The following MAGI1 variants were observed in gnomAD, a reference collection of about 807,000 sequenced individuals.
MAGI1 encodes the protein membrane-associated guanylate kinase, WW and PDZ domain-containing protein 1.
MAGI1 carries 58 observed loss-of-function variants against 139.9 expected under a neutral mutation model. The ratio of observed to expected loss-of-function variants is 0.41; its 90% confidence interval spans 0.34 to 0.52. The LOEUF is 0.52. MAGI1 is among the 20% of genes least tolerant of loss of function. The pLI, the probability that MAGI1 is intolerant of heterozygous loss-of-function variation, is 0.12. For missense variants in MAGI1, 1,874 were observed against 1,901.6 expected, an observed-to-expected ratio of 0.99 and a Z score of 0.27; for synonymous variants, 812 against 737.9, an observed-to-expected ratio of 1.10 and a Z score of -1.63.
chr3:65,588,794 C>G (rs538965374), intron 2 of MAGI1, among the ~76,000 whole-genome samples: 4 of 152,148 alleles, frequency 2.6e-5, no homozygotes, highest in Non-Finnish European at 5.9e-5. Flanking sequence ...ATACAACATG[C>G]TCAATAAATT....
intron 1 of MAGI1, among the ~76,000 whole-genome samples, chr3:65,760,733 C>A (rs1057472074): frequency 6.6e-6 from 1 of 152,042 alleles, no homozygotes; most frequent in East Asian, 1.9e-4. Flanking sequence ...CCCAGATGGT[C>A]AGGCCGCAAA....
At chr3:65,594,026 T>C (rs2082079534) in intron 2 of MAGI1, among the ~76,000 whole-genome samples, 1 of 152,220 alleles carries the variant, frequency 6.6e-6, no homozygotes, top group South Asian at 2.1e-4. Context: ...TCAAACATTT[T>C]GGTAAAAGTC....
At chr3:65,441,563 A>G (rs890110242) in intron 8 of MAGI1, among the ~76,000 whole-genome samples, 2 of 152,210 alleles carry the variant, frequency 1.3e-5, no homozygotes, top group Non-Finnish European at 2.9e-5. Context: ...CTTCACCCAT[A>G]AAAGCTTTTG....
intron 1 of MAGI1, among the ~76,000 whole-genome samples, chr3:65,752,959 AT>A (rs1417630902): frequency 1.3e-5 from 2 of 152,156 alleles, no homozygotes; most frequent in Non-Finnish European, 2.9e-5. Flanking sequence ...TCCTGGCTGT[AT>A]TCAAAGTTGA....
Position 65,461,638 on chromosome 3 carries a change from G to A in MAGI1, c.960-8298C>T, listed in dbSNP as rs1179859977. 4.6e-5 allele frequency among the ~76,000 whole-genome samples: 7 copies of A among 151,662 alleles called. No individual in the cohort carries two copies. The East Asian group carries it at 7.8e-4, about 17-fold the overall frequency. On this transcript the variant is annotated intron_variant, in intron 5 of 22. Transcript: ENST00000402939. ...CGAGTAGCTGGGACTACAGGCGCCC[G>A]CCACCACGCCTGGCTAATTTTCTGT...
chr3:65,429,519 C>T lies in MAGI1; in HGVS notation c.2167+1G>A. The stretch of plus-strand genomic sequence containing the variant: ...TCAAAGAACAAAACAACCCTACTTA[C>T]CTCCTCGTTGCACCAACAATGTGAC... On this transcript the variant is annotated splice_donor_variant, in intron 12 of 22. Coordinates refer to ENST00000402939, the MANE Select transcript of MAGI1 (RefSeq NM_001033057.2). LOFTEE classifies it high-confidence loss of function. The T allele has an allele frequency of 6.2e-7, 1 of 1,604,374 alleles. No individual in the cohort carries two copies. Among genetic ancestry groups the T allele is most frequent in the Non-Finnish European group, 8.5e-7 (1 of 1,173,842 alleles).
At chr3:65,854,098 ACT>A (rs1034353537) in intron 1 of MAGI1, among the ~76,000 whole-genome samples, 2 of 151,338 alleles carry the variant, frequency 1.3e-5, no homozygotes, top group Non-Finnish European at 2.9e-5. Context: ...ACAGAGCGAG[ACT>A]CTGTCTCAAA....
Position 65,455,299 on chromosome 3 carries a change from C to T in MAGI1, c.960-1959G>A, listed in dbSNP as rs185293074. Among the ~76,000 whole-genome samples, 703 of 152,274 alleles carry T rather than the reference C, an allele frequency of 4.6e-3. 5 individuals carry two copies. Among genetic ancestry groups the T allele is most frequent in the African/African-American group, 0.015 (622 of 41,550 alleles). On this transcript the variant is annotated intron_variant, in intron 5 of 22. Coordinates refer to ENST00000402939, the MANE Select transcript of MAGI1 (RefSeq NM_001033057.2). ...AACATTTTCATCATCACAGGGGTCC[C>T]TCACGTTGCTCTTTTATAGTCACAA...
At chr3:65,937,682 G>C (rs1054499500) in intron 1 of MAGI1, among the ~76,000 whole-genome samples, 7 of 151,914 alleles carry the variant, frequency 4.6e-5, no homozygotes, top group Admixed American at 2.6e-4. Context: ...TTATTTTGTG[G>C]GTTTTTTGGG....
rs140697075 is a variant in MAGI1 at position 65,726,792 on chromosome 3, G to A, written c.314-104704C>T. On this transcript the variant is annotated intron_variant, in intron 1 of 22. Coordinates refer to ENST00000402939, the MANE Select transcript of MAGI1 (RefSeq NM_001033057.2). ...ACCTCAGAATGGTCTCTTATCCTAC[G>A]AGCATCTTGATAGGGCTTCAAATCC... Among the ~76,000 whole-genome samples the A allele has an allele frequency of 4.1e-4, 62 of 151,998 alleles. No individual in the cohort carries two copies. The East Asian group carries it at 9.3e-3, about 23-fold the overall frequency.
intron 13 of MAGI1, among the ~76,000 whole-genome samples, chr3:65,396,873 A>G (rs139501797): frequency 8.1e-4 from 124 of 152,304 alleles, no homozygotes; most frequent in Non-Finnish European, 1.6e-3. Flanking sequence ...TTATGGGTCT[A>G]AGTCAAACGA....
At chr3:65,878,110 CA>C (rs372819560) in intron 1 of MAGI1, among the ~76,000 whole-genome samples, 8 of 144,710 alleles carry the variant, frequency 5.5e-5, no homozygotes, top group Non-Finnish European at 6.1e-5. Context: ...GGTTCTGTCT[CA>C]AAAAAAAAAG....
At chr3:66,031,827 G>C (rs1007543385) in intron 1 of MAGI1, among the ~76,000 whole-genome samples, 1 of 151,436 alleles carries the variant, frequency 6.6e-6, no homozygotes, top group Middle Eastern at 3.2e-3. Flanking sequence ...AAAACGGAGG[G>C]AAAGAATCAT....
intron 1 of MAGI1, among the ~76,000 whole-genome samples, chr3:65,704,580 C>A (rs766111028): frequency 3.9e-5 from 6 of 152,126 alleles, no homozygotes; most frequent in African/African-American, 1.4e-4. Flanking sequence ...TGACTTGGCA[C>A]CAAGAACTTG....
intron 2 of MAGI1, among the ~76,000 whole-genome samples, chr3:65,549,142 G>A (rs1262499294): frequency 6.6e-6 from 1 of 152,112 alleles, no homozygotes; most frequent in Non-Finnish European, 1.5e-5. Flanking sequence ...AACATGGCTG[G>A]CTGGAGCCTC....
intron 2 of MAGI1, among the ~76,000 whole-genome samples, chr3:65,517,114 C>T (rs1426139363): frequency 5.3e-5 from 8 of 152,142 alleles, no homozygotes; most frequent in African/African-American, 1.9e-4. Context: ...TTTACACTAC[C>T]TGGCTTCATA....
At chr3:65,630,491 A>C (rs1021243544) in intron 1 of MAGI1, among the ~76,000 whole-genome samples, 1 of 152,210 alleles carries the variant, frequency 6.6e-6, no homozygotes, top group Non-Finnish European at 1.5e-5. Flanking sequence ...GCACTAGTGG[A>C]TAATGAAAAA....
At chr3:65,641,650 G>T (rs2084990712) in intron 1 of MAGI1, among the ~76,000 whole-genome samples, 1 of 152,174 alleles carries the variant, frequency 6.6e-6, no homozygotes. Flanking sequence ...GTACGGGAGT[G>T]AAGAACATCA....
At chr3:65,681,984 T>C (rs2087622008) in intron 1 of MAGI1, among the ~76,000 whole-genome samples, 1 of 152,138 alleles carries the variant, frequency 6.6e-6, no homozygotes, top group Non-Finnish European at 1.5e-5. Context: ...TACACACACA[T>C]GCTACTTTGT....
Sources: gnomAD v4.1 joint callset for allele counts (sites outside exome capture counted in the v4.1 genomes callset) on GRCh38, gnomAD v4.1.1 for gene constraint, MANE v1.5 for transcripts, NCBI Gene and HGNC (gene_info 2026-07-23, HGNC 2026-07-21) for gene names.